COCH: variants seen among roughly 807,000 people sequenced by gnomAD.
The protein encoded by COCH is cochlin.
A neutral mutation model predicts 54.8 loss-of-function variants in COCH; 40 were observed. That is an observed-to-expected ratio of 0.73 (90% CI 0.57 to 0.95). The LOEUF is 0.95. Ranked by LOEUF, COCH falls within the 40% of genes least tolerant of loss-of-function variation. COCH has a pLI of 0.00. For synonymous variants in COCH, 256 were observed against 237.9 expected, an observed-to-expected ratio of 1.08 and a Z score of -0.70; for missense variants, 605 against 675.0, an observed-to-expected ratio of 0.90 and a Z score of 1.15.
intron 8 of COCH, among the ~76,000 whole-genome samples, chr14:30,882,120 G>GTTTTTTTTGTTTTGTTT (rs1895618791): frequency 1.5e-5 from 1 of 67,894 alleles, no homozygotes; most frequent in African/African-American, 6.6e-5. Flanking sequence ...CTATAAAATG[G>GTTTTTTTTGTTTTGTTT]TTTTTTTTTT....
chr14:30,895,513 G>C, downstream of COCH: 1 of 1,614,072 alleles, frequency 6.2e-7, no homozygotes, highest in Non-Finnish European at 8.5e-7. Context: ...ATTTCTTTCT[G>C]TGAGCTGTTA....
chr14:30,878,551 G>A (rs900267390), intron 4 of COCH, among the ~76,000 whole-genome samples: 6 of 152,118 alleles, frequency 3.9e-5, no homozygotes, highest in African/African-American at 1.4e-4. Context: ...CAGCTACTTG[G>A]GAGGCTGAGG....
chr14:30,879,488 A>G lies in COCH; in HGVS notation c.436+3A>G, dbSNP rs996321160. 8 of 1,614,092 alleles carry G rather than the reference A, an allele frequency of 5.0e-6. No individual in the cohort carries two copies. The highest frequency in any genetic ancestry group is 6.8e-6 in the Non-Finnish European group (8 of 1,179,946). ...GTCCACAGCACATCCACCAACAGGT[A>G]TGAACTATGAAACCTATCTCCTAGT... On this transcript the variant is annotated splice_donor_region_variant and intron_variant, in intron 6 of 11. Coordinates refer to ENST00000396618, the MANE Select transcript of COCH (RefSeq NM_004086.3).
intron 8 of COCH, 76 bp from the exon 9 acceptor site, chr14:30,884,477 G>GT (rs1447652470): frequency 4.0e-6 from 4 of 1,000,084 alleles, no homozygotes; most frequent in African/African-American, 3.2e-5. Context: ...TTTTAAAACT[G>GT]TTTTTTAAGG....
rs775125089 is a variant in COCH, at chr14:30,875,046, C to G, written c.35-10C>G. Reference sequence around the variant, plus strand: ...GGCTGGAGCCAGCCCTCACGCTTCTCTCTTCGCAGGTGTGTGTCTGCTGCT... The same window carrying G: ...GGCTGGAGCCAGCCCTCACGCTTCTGTCTTCGCAGGTGTGTGTCTGCTGCT... On this transcript the variant is annotated splice_polypyrimidine_tract_variant and intron_variant, in intron 2 of 11. Coordinates refer to ENST00000396618, the MANE Select transcript of COCH (RefSeq NM_004086.3). 1.2e-6 allele frequency: 2 copies of G among 1,611,858 alleles called. No homozygotes were observed. The highest frequency in any genetic ancestry group is 1.7e-6 in the Non-Finnish European group (2 of 1,179,494).
chr14:30,884,089 A>G lies in COCH; in HGVS notation c.630-464A>G, dbSNP rs28362769. Among the ~76,000 whole-genome samples the G allele has an allele frequency of 4.4e-3, 665 of 152,276 alleles. 5 individuals are homozygous for G. Among genetic ancestry groups the G allele is most frequent in the African/African-American group, 0.015 (644 of 41,552 alleles). ...CATTTAGTTTAGCTACCTGGTGCCC[A>G]ACTCTGCGGACTTCTGTTAAACCCG... is the stretch of plus-strand genomic sequence containing the variant. On this transcript the variant is annotated intron_variant, in intron 8 of 11. Transcript: ENST00000396618.
downstream of COCH, chr14:30,893,663 C>T (rs972004795): frequency 1.3e-5 from 2 of 152,248 alleles, no homozygotes; most frequent in Non-Finnish European, 2.9e-5. Context: ...TAATTTAATG[C>T]AAGACTTTTT....
At position 30,884,582 on chromosome 14, in the gene COCH, A is replaced by T; in HGVS notation, c.659A>T (p.Lys220Ile). 1 of 1,613,692 alleles carries T rather than the reference A, an allele frequency of 6.2e-7. No homozygotes were observed. The highest frequency in any genetic ancestry group is 8.5e-7 in the Non-Finnish European group (1 of 1,179,698). ...SEHPKIEFYLKNFTSAKDVLF... is the reference protein window; with the variant it reads ...SEHPKIEFYLINFTSAKDVLF... ...CATCCCAAAATAGAATTTTACTTGA[A>T]AAACTTTACATCAGCCAAAGATGTT... Residue 220 changes from lysine to isoleucine, a missense_variant, in exon 9 of 12, where the codon AAA becomes ATA. Physicochemically the swap from Lys to Ile is moderately radical, Grantham distance 102. Coordinates refer to ENST00000396618, the MANE Select transcript of COCH (RefSeq NM_004086.3).
At chr14:30,894,924 TA>T, downstream of COCH, 4 of 1,114,626 alleles carry the variant, frequency 3.6e-6, no homozygotes, top group South Asian at 1.6e-5. Context: ...AAAATAAGTT[TA>T]AAAGGGAATC....
At chr14:30,892,086 TAAG>T (rs1895995250), downstream of COCH, among the ~76,000 whole-genome samples, 1 of 145,676 alleles carries the variant, frequency 6.9e-6, no homozygotes, top group East Asian at 2.0e-4. Flanking sequence ...ATCAACATAT[TAAG>T]ATTTGTATAA....
downstream of COCH, among the ~76,000 whole-genome samples, chr14:30,891,452 G>C (rs1895980489): frequency 2.0e-5 from 3 of 152,140 alleles, no homozygotes; most frequent in Admixed American, 2.0e-4. Context: ...GGAATAAAAG[G>C]ACTACATGCA....
downstream of COCH, among the ~76,000 whole-genome samples, chr14:30,891,394 T>C (rs900645881): frequency 3.1e-4 from 47 of 152,168 alleles, no homozygotes; most frequent in African/African-American, 1.0e-3. Flanking sequence ...TAGAATAATA[T>C]ACTCCAGTAA....
chr14:30,894,849 T>C, downstream of COCH: 2 of 565,802 alleles, frequency 3.5e-6, no homozygotes, highest in Non-Finnish European at 5.1e-6. Context: ...TCCAAACATT[T>C]TGTGCAACTA....
Position 30,880,705 on chromosome 14 carries a change from A to G in COCH, c.600A>G (p.Glu200=). The G allele has an allele frequency of 6.2e-7, 1 of 1,614,016 alleles. No homozygotes were observed. ...KVALMLGIGT[E]GPHVGLVQAS... ...CTCTAATGTTGGGAATTGGAACAGA[A>G]GGACCACATGTGGGCCTTGTTCAAG... Residue 200 remains glutamate, a synonymous_variant, in exon 8 of 12, where the codon GAA becomes GAG. Transcript: ENST00000396618.
downstream of COCH, among the ~76,000 whole-genome samples, chr14:30,893,385 C>T (rs1291766426): frequency 2.6e-5 from 4 of 151,900 alleles, no homozygotes; most frequent in African/African-American, 9.7e-5. Context: ...ATCTCCTGAC[C>T]TCATGATCCA....
chr14:30,875,202 C>T, intron 3 of COCH, 99 bp downstream of exon 3: 3 of 1,467,648 alleles, frequency 2.0e-6, no homozygotes, highest in Non-Finnish European at 2.8e-6. Flanking sequence ...TTCAGCCCTA[C>T]CGCCTGAGGA....
At chr14:30,882,120 G>GTTTTGTTTTTTTTTTTTTTT (rs1895617844) in intron 8 of COCH, among the ~76,000 whole-genome samples, 3 of 67,894 alleles carry the variant, frequency 4.4e-5, no homozygotes, top group African/African-American at 6.6e-5. Flanking sequence ...CTATAAAATG[G>GTTTTGTTTTTTTTTTTTTTT]TTTTTTTTTT....
chr14:30,879,003 CT>C, intron 5 of COCH, 59 bp downstream of exon 5: 6 of 1,597,626 alleles, frequency 3.8e-6, no homozygotes, highest in Non-Finnish European at 5.1e-6. Flanking sequence ...ACGTTTTCTG[CT>C]TTTTTTAGCT....
chr14:30,889,160 C>G (rs1895895173), intron 11 of COCH: 1 of 160,732 alleles, frequency 6.2e-6, no homozygotes, highest in South Asian at 1.8e-4. Context: ...ATCTCTTGTG[C>G]CATTCTTCCT....
Sources: allele counts gnomAD v4.1 joint callset (sites outside exome capture counted in the v4.1 genomes callset), GRCh38; gene constraint gnomAD v4.1.1; transcripts MANE v1.5; gene names NCBI Gene and HGNC (gene_info 2026-07-23, HGNC 2026-07-21).